USH2A: variants seen among roughly 807,000 people sequenced by gnomAD.
The protein encoded by USH2A is Usher syndrome 2A (autosomal recessive, mild).
A neutral mutation model predicts 538.9 loss-of-function variants in USH2A; 443 were observed. The ratio of observed to expected loss-of-function variants is 0.82; its 90% confidence interval spans 0.76 to 0.89. USH2A has a LOEUF of 0.89. Among genes scored for constraint, USH2A ranks in the 40% least tolerant of loss-of-function variants. The pLI, the probability that USH2A is intolerant of heterozygous loss-of-function variation, is 0.00. For synonymous variants in USH2A, 2,413 were observed against 2,273.5 expected, an observed-to-expected ratio of 1.06 and a Z score of -1.75; for missense variants, 6,633 against 6,324.8, an observed-to-expected ratio of 1.05 and a Z score of -1.65.
intron 61 of USH2A, among the ~76,000 whole-genome samples, chr1:215,718,739 A>G (rs1448242158): frequency 3.5e-5 from 1 of 28,402 alleles, no homozygotes. Context: ...GTAATAGGGT[A>G]CTTCGGGGCA....
chr1:215,779,974 G>T lies in USH2A; in HGVS notation c.10808C>A (p.Ala3603Glu). 1 of 1,614,140 alleles carries T rather than the reference G, an allele frequency of 6.2e-7. No individual in the cohort carries two copies. The highest frequency in any genetic ancestry group is 8.5e-7 in the Non-Finnish European group (1 of 1,180,032). Reference sequence around the variant, plus strand: ...ACTCCAGCTCAGATGCAGAGCCACTGCACTTAGGGCTGTGATGCTTGGTGG... The same window carrying T: ...ACTCCAGCTCAGATGCAGAGCCACTTCACTTAGGGCTGTGATGCTTGGTGG... ...ILPPSITALS[A>E]VALHLSWSVP... Residue 3603 changes from alanine (A) to glutamate (E), a missense_variant, in exon 55 of 72, where the codon GCA becomes GAA. Ala to Glu is a moderately radical substitution (Grantham distance 107). Coordinates refer to ENST00000307340, the MANE Select transcript of USH2A (RefSeq NM_206933.4).
chr1:215,991,595 A>G (rs1191587178), intron 35 of USH2A, among the ~76,000 whole-genome samples: 1 of 152,254 alleles, frequency 6.6e-6, no homozygotes, highest in Non-Finnish European at 1.5e-5. Context: ...GGAAGTGTCA[A>G]TACAAATCTC....
intron 35 of USH2A, among the ~76,000 whole-genome samples, chr1:215,978,889 C>T (rs987012348): frequency 6.6e-6 from 1 of 152,170 alleles, no homozygotes; most frequent in Non-Finnish European, 1.5e-5. Flanking sequence ...TGACATTTGC[C>T]ACTGCCTAGA....
intron 21 of USH2A, among the ~76,000 whole-genome samples, chr1:216,113,126 C>A (rs2032914479): frequency 8.1e-6 from 1 of 123,784 alleles, no homozygotes. Context: ...TGCTTTACAA[C>A]CTCCAAATGA....
intron 54 of USH2A, among the ~76,000 whole-genome samples, chr1:215,781,197 A>G (rs555105090): frequency 6.6e-6 from 1 of 152,084 alleles, no homozygotes; most frequent in East Asian, 1.9e-4. Context: ...TCAACTTCCC[A>G]TACAGATCTT....
At chr1:216,129,912 C>T (rs1203876155) in intron 21 of USH2A, among the ~76,000 whole-genome samples, 1 of 152,068 alleles carries the variant, frequency 6.6e-6, no homozygotes, top group East Asian at 1.9e-4. Flanking sequence ...TGCATATTTA[C>T]AGCCAATGCA....
intron 9 of USH2A, among the ~76,000 whole-genome samples, chr1:216,307,999 T>A (rs2037349347): frequency 6.6e-6 from 1 of 152,156 alleles, no homozygotes; most frequent in African/African-American, 2.4e-5. Context: ...GCTTTCCTGG[T>A]ATGTTGCTGC....
intron 4 of USH2A, among the ~76,000 whole-genome samples, chr1:216,340,138 C>T (rs1021068216): frequency 5.9e-5 from 9 of 151,512 alleles, no homozygotes; most frequent in Non-Finnish European, 1.2e-4. Flanking sequence ...CAAATAGACA[C>T]ATAAAAAATG....
chr1:216,162,573 G>A (rs2034080648), intron 21 of USH2A, among the ~76,000 whole-genome samples: 1 of 152,078 alleles, frequency 6.6e-6, no homozygotes, highest in Non-Finnish European at 1.5e-5. Flanking sequence ...TTGACGGGAA[G>A]TAAAATTACC....
chr1:216,338,393 G>A (rs181067910), intron 4 of USH2A, among the ~76,000 whole-genome samples: 24 of 151,386 alleles, frequency 1.6e-4, no homozygotes, highest in African/African-American at 5.8e-4. Context: ...AAATCAGTGG[G>A]ACAAGAATGT....
chr1:216,386,356 T>A (rs377515020), intron 3 of USH2A, among the ~76,000 whole-genome samples: 10 of 146,690 alleles, frequency 6.8e-5, no homozygotes, highest in African/African-American at 2.5e-4. Flanking sequence ...AATTTGCTGG[T>A]CGTGGTGGCG....
rs1457349170 is a variant in USH2A, at chr1:216,135,160, T to TCACA, written c.4628-37948_4628-37947insTGTG. Among the ~76,000 whole-genome samples the TCACA allele has an allele frequency of 1.8e-3, 192 of 108,350 alleles. 2 individuals carry two copies. Among genetic ancestry groups the TCACA allele is most frequent in the African/African-American group, 7.8e-3 (174 of 22,246 alleles). The allele number at this position is 108,350 out of a possible 152,430, so 71.1% of individuals were successfully genotyped here. Reference sequence around the variant, plus strand: ...CTCTCTCTCTCTCTCTCTCTCTCTCTCTCTCTCACACACACACATACACAC... The same window carrying TCACA: ...CTCTCTCTCTCTCTCTCTCTCTCTCTCACACTCTCTCACACACACACATACACAC... On this transcript the variant is annotated intron_variant, in intron 21 of 71. Coordinates refer to ENST00000307340, the MANE Select transcript of USH2A (RefSeq NM_206933.4).
At chr1:215,696,528 A>G (rs540311524) in intron 61 of USH2A, among the ~76,000 whole-genome samples, 1 of 152,042 alleles carries the variant, frequency 6.6e-6, no homozygotes, top group East Asian at 1.9e-4. Flanking sequence ...ATGGCTACCA[A>G]TTGTCAGTCT....
chr1:216,192,566 G>C (rs974510664), intron 19 of USH2A, among the ~76,000 whole-genome samples: 2 of 151,926 alleles, frequency 1.3e-5, no homozygotes, highest in African/African-American at 4.8e-5. Flanking sequence ...GTCAGGTGTA[G>C]TGGCACACAC....
intron 43 of USH2A, among the ~76,000 whole-genome samples, chr1:215,875,923 ATT>A (rs955414051): frequency 3.8e-5 from 5 of 131,468 alleles, no homozygotes; most frequent in South Asian, 5.2e-4. Flanking sequence ...TATAATATAT[ATT>A]GATTATTATA....
intron 34 of USH2A, 81 bp downstream of exon 34, chr1:215,998,806 A>G: frequency 6.9e-7 from 1 of 1,445,370 alleles, no homozygotes; most frequent in Non-Finnish European, 9.6e-7. Context: ...TTTAAGTGAG[A>G]GAGAAAGAAA....
At chr1:215,770,731 G>A (rs1249385917) in intron 55 of USH2A, among the ~76,000 whole-genome samples, 1 of 151,958 alleles carries the variant, frequency 6.6e-6, no homozygotes, top group African/African-American at 2.4e-5. Flanking sequence ...TGCTGTGCAC[G>A]CTATTATTTG....
chr1:216,065,495 A>T (rs1349456607), intron 30 of USH2A, among the ~76,000 whole-genome samples: 2 of 152,234 alleles, frequency 1.3e-5, no homozygotes, highest in East Asian at 1.9e-4. Flanking sequence ...AAAATTTTTT[A>T]AAAAATGACA....
intron 22 of USH2A, among the ~76,000 whole-genome samples, chr1:216,089,647 T>G (rs1292730336): frequency 6.6e-6 from 1 of 152,020 alleles, no homozygotes; most frequent in Non-Finnish European, 1.5e-5. Context: ...TTGTGATACA[T>G]TAAACATAAG....
Sources: allele counts gnomAD v4.1 joint callset (sites outside exome capture counted in the v4.1 genomes callset), GRCh38; gene constraint gnomAD v4.1.1; transcripts MANE v1.5; gene names NCBI Gene and HGNC (gene_info 2026-07-23, HGNC 2026-07-21).